PBRM1: variants seen among roughly 807,000 people sequenced by gnomAD.
The protein encoded by PBRM1 is protein polybromo-1.
PBRM1 carries 27 observed loss-of-function variants against 194.5 expected under a neutral mutation model. The ratio of observed to expected loss-of-function variants is 0.14; its 90% CI spans 0.10 to 0.19. The LOEUF (loss-of-function observed/expected upper bound fraction) is 0.19, where lower values mean the gene tolerates loss of function less well. Among genes scored for constraint, PBRM1 ranks in the 10% least tolerant of loss-of-function variants. PBRM1 has a pLI of 1.00. For synonymous variants in PBRM1, 655 were observed against 693.2 expected (o/e 0.94, Z 0.87); for missense variants, 1,466 against 2,077.2 (o/e 0.71, Z 5.72).
chr3:52,664,055 G>A (rs1403786490), intron 3 of PBRM1, among the ~76,000 whole-genome samples: 4 of 144,960 alleles, frequency 2.8e-5, no homozygotes, highest in African/African-American at 7.6e-5. Flanking sequence ...GCCAGACTCC[G>A]TCTCAAAAAA....
chr3:52,562,885 C>A (rs909174484), intron 24 of PBRM1, among the ~76,000 whole-genome samples: 3 of 152,000 alleles, frequency 2.0e-5, no homozygotes, highest in African/African-American at 7.2e-5. Flanking sequence ...CCAACAATCA[C>A]CTCAACCAAA....
intron 10 of PBRM1, among the ~76,000 whole-genome samples, chr3:52,636,682 A>G (rs776442477): frequency 6.9e-6 from 1 of 145,384 alleles, no homozygotes; most frequent in Non-Finnish European, 1.5e-5. Context: ...ACTTGAAACC[A>G]GAAGGCGGAG....
At chr3:52,637,024 T>C (rs1206298734) in intron 10 of PBRM1, among the ~76,000 whole-genome samples, 6 of 152,072 alleles carry the variant, frequency 3.9e-5, no homozygotes, top group African/African-American at 1.4e-4. Flanking sequence ...ATAAAGCAGT[T>C]GAAGGGGATT....
At chr3:52,636,972 T>C (rs1300474177) in intron 10 of PBRM1, among the ~76,000 whole-genome samples, 2 of 151,818 alleles carry the variant, frequency 1.3e-5, no homozygotes, top group Non-Finnish European at 2.9e-5. Flanking sequence ...ATGGGAAAAC[T>C]GGGCATATGA....
chr3:52,584,650 T>G (rs2092073167), intron 20 of PBRM1, among the ~76,000 whole-genome samples: 1 of 151,830 alleles, frequency 6.6e-6, no homozygotes, highest in South Asian at 2.1e-4. Context: ...GAGATGGGGT[T>G]TCACCATGAT....
intron 15 of PBRM1, among the ~76,000 whole-genome samples, chr3:52,612,029 G>A (rs1450877721): frequency 6.6e-6 from 1 of 151,824 alleles, no homozygotes; most frequent in Non-Finnish European, 1.5e-5. Context: ...GGAGGCCGAG[G>A]CGGGCAGATC....
At chr3:52,586,280 C>A (rs1416267711) in intron 20 of PBRM1, 145 bp downstream of exon 22, 2 of 691,840 alleles carry the variant, frequency 2.9e-6, no homozygotes, top group African/African-American at 1.8e-5. Context: ...GTGTAAATTT[C>A]TTTCTGTTAT....
intron 11 of PBRM1, among the ~76,000 whole-genome samples, chr3:52,632,258 G>A (rs1360513704): frequency 6.6e-6 from 1 of 152,118 alleles, no homozygotes; most frequent in Non-Finnish European, 1.5e-5. Context: ...TATACTCCAT[G>A]ACATTATGGA....
At chr3:52,549,266 C>T (rs1003698842) in intron 29 of PBRM1, among the ~76,000 whole-genome samples, 11 of 151,916 alleles carry the variant, frequency 7.2e-5, no homozygotes, top group Non-Finnish European at 1.5e-4. Context: ...GTGATCTGCC[C>T]GCTTCAGCCT....
At position 52,665,457 on chromosome 3, in the gene PBRM1, C is replaced by A. The variant is rs559646235; in HGVS notation, c.384+3041G>T. ...GGGATTATAGGCATGAGCCATCATG[C>A]CTGGCTGAATAGTATTTTATGGCAG... On this transcript the variant is annotated intron_variant, in intron 3 of 29. Coordinates refer to ENST00000296302, the Ensembl canonical transcript of PBRM1. 2.8e-3 allele frequency among the ~76,000 whole-genome samples: 430 copies of A among 152,240 alleles called. 1 individual carries two copies. Among genetic ancestry groups the A allele is most frequent in the Middle Eastern group, 0.01 (3 of 294 alleles).
downstream of PBRM1, chr3:52,546,969 A>C (rs901672695): frequency 1.7e-5 from 4 of 233,172 alleles, no homozygotes; most frequent in East Asian, 6.1e-5. Context: ...TAAGGAAATA[A>C]GGAATACTAA....
chr3:52,624,803 T>C (rs2095393909), intron 13 of PBRM1, 94 bp downstream of exon 15: 4 of 831,432 alleles, frequency 4.8e-6, no homozygotes, highest in African/African-American at 1.7e-5. Context: ...TTTTTTCACA[T>C]GCTTAAGGCT....
intron 18 of PBRM1, 70 bp from the exon 21 acceptor site, chr3:52,587,580 T>C (rs1031421834): frequency 8.3e-7 from 1 of 1,202,704 alleles, no homozygotes; most frequent in Non-Finnish European, 1.1e-6. Flanking sequence ...CTTTTTTTTT[T>C]TTTTTTTTTT....
chr3:52,645,318 T>TTTCC (rs2096258833), intron 7 of PBRM1, among the ~76,000 whole-genome samples: 1 of 151,546 alleles, frequency 6.6e-6, no homozygotes, highest in Non-Finnish European at 1.5e-5. Context: ...ATTCATCTTT[T>TTTCC]TTTCTTTCTT....
At chr3:52,607,872 G>A (rs2094428943) in intron 16 of PBRM1, among the ~76,000 whole-genome samples, 1 of 152,124 alleles carries the variant, frequency 6.6e-6, no homozygotes, top group African/African-American at 2.4e-5. Flanking sequence ...TCTTAAAAGT[G>A]TCACACATGG....
intron 17 of PBRM1, among the ~76,000 whole-genome samples, chr3:52,594,825 A>G (rs1162759678): frequency 6.6e-6 from 1 of 152,176 alleles, no homozygotes; most frequent in Non-Finnish European, 1.5e-5. Flanking sequence ...TCCTTTGCTT[A>G]TGAAGCTTGG....
Position 52,640,299 on chromosome 3 carries a change from G to A in PBRM1, c.1087+1655C>T, listed in dbSNP as rs181862530. 5.3e-5 allele frequency among the ~76,000 whole-genome samples: 8 copies of A among 151,864 alleles called. No individual in the cohort carries two copies. The East Asian group carries it at 1.6e-3, about 29-fold the overall frequency. The stretch of plus-strand genomic sequence containing the variant: ...TTTTTATTTTTTATTTATTTTTTGA[G>A]ACAGGGTCTCACTCTGTTGCCCAGG... On this transcript the variant is annotated intron_variant, in intron 10 of 29. Transcript: ENST00000296302.
At chr3:52,592,619 T>C (rs992953924) in intron 17 of PBRM1, among the ~76,000 whole-genome samples, 3 of 152,290 alleles carry the variant, frequency 2.0e-5, no homozygotes, top group South Asian at 4.1e-4. Context: ...ACTGGCCTAG[T>C]TTTTTCTGTT....
intron 17 of PBRM1, among the ~76,000 whole-genome samples, chr3:52,593,071 C>T (rs1314463118): frequency 3.3e-5 from 5 of 152,168 alleles, no homozygotes; most frequent in Admixed American, 1.3e-4. Flanking sequence ...AGCTAGCGGT[C>T]CATCTTACCA....
Sources: allele counts gnomAD v4.1 joint callset (sites outside exome capture counted in the v4.1 genomes callset), GRCh38; gene constraint gnomAD v4.1.1; transcripts MANE v1.5; gene names NCBI Gene and HGNC (gene_info 2026-07-23, HGNC 2026-07-21).